The following CRACR2A variants were observed in gnomAD, a reference collection of about 807,000 sequenced individuals.
CRACR2A encodes calcium release activated channel regulator 2A, also known as EF-hand calcium-binding domain-containing protein 4B.
In CRACR2A, 79 loss-of-function variants were observed where a neutral mutation model predicts 90.5. The observed-to-expected ratio is 0.87, with a 90% CI of 0.73 to 1.05. The LOEUF (loss-of-function observed/expected upper bound fraction) is 1.05, where lower values mean the gene tolerates loss of function less well. Among genes scored for constraint, CRACR2A ranks in the 50% least tolerant of loss-of-function variants. CRACR2A has a pLI of 0.00. For missense variants in CRACR2A, 823 were observed against 897.2 expected (o/e 0.92, Z 1.06); for synonymous variants, 338 against 356.7 (o/e 0.95, Z 0.59).
chr12:3,702,803 A>T (rs1945853501), intron 3 of CRACR2A, among the ~76,000 whole-genome samples: 1 of 152,248 alleles, frequency 6.6e-6, no homozygotes, highest in African/African-American at 2.4e-5. Flanking sequence ...ATTCACACAA[A>T]AATGAGAAAA....
chr12:3,716,882 T>C lies in CRACR2A; in HGVS notation c.-117-3565A>G, dbSNP rs191152311. 4.7e-3 allele frequency among the ~76,000 whole-genome samples: 716 copies of C among 152,286 alleles called. 5 individuals are homozygous for C. Among genetic ancestry groups the C allele is most frequent in the South Asian group, 0.019 (93 of 4,826 alleles). ...CTGTTCAGATGTTATACCAAGTTAG[T>C]ATGAGTTTATTTTGGTGCTAAAACA... On this transcript the variant is annotated intron_variant, in intron 2 of 19. Coordinates refer to ENST00000440314, the MANE Select transcript of CRACR2A (RefSeq NM_001144958.2).
intron 2 of CRACR2A, among the ~76,000 whole-genome samples, chr12:3,725,258 T>C (rs1946242961): frequency 6.6e-6 from 1 of 151,720 alleles, no homozygotes; most frequent in Non-Finnish European, 1.5e-5. Flanking sequence ...AACAGATTTC[T>C]TCTCTCACAG....
rs753466796 is a variant in CRACR2A at position 3,696,980 on chromosome 12, CT to C, written c.19del (p.Arg7GlyfsTer2). 22 of 1,590,184 alleles carry C rather than the reference CT, an allele frequency of 1.4e-5. No individual in the cohort carries two copies. The Admixed American group carries it at 2.7e-4, about 19-fold the overall frequency. Reference sequence around the variant, plus strand: ...AAGTCTCTGGGGTCTGGAGACTACCCTCCCGTCAGGGGCAGCCATCGCGATT... The same window carrying C: ...AAGTCTCTGGGGTCTGGAGACTACCCCCCGTCAGGGGCAGCCATCGCGATT... The part of the protein sequence containing the change: MAAPDG[R>X]VVSRPQRLGQ... On this transcript the variant is annotated frameshift_variant, in exon 4 of 20. Transcript: ENST00000440314. LOFTEE classifies it high-confidence loss of function.
intron 4 of CRACR2A, among the ~76,000 whole-genome samples, chr12:3,681,532 T>C (rs1246059359): frequency 6.6e-6 from 1 of 152,210 alleles, no homozygotes; most frequent in Non-Finnish European, 1.5e-5. Context: ...GAAGCAAGTG[T>C]ACCCTCATAC....
At chr12:3,668,855 A>T (rs548441498) in intron 7 of CRACR2A, among the ~76,000 whole-genome samples, 1 of 152,328 alleles carries the variant, frequency 6.6e-6, no homozygotes, top group South Asian at 2.1e-4. Flanking sequence ...AGCTCCTAAG[A>T]AAGTGCCTGA....
intron 4 of CRACR2A, among the ~76,000 whole-genome samples, chr12:3,693,760 C>G (rs1346557343): frequency 3.3e-5 from 5 of 152,084 alleles, no homozygotes; most frequent in Non-Finnish European, 5.9e-5. Flanking sequence ...TCATTTCAGT[C>G]TTGGAGAATC....
intron 10 of CRACR2A, among the ~76,000 whole-genome samples, chr12:3,651,559 C>A (rs1053512273): frequency 2.0e-5 from 3 of 152,156 alleles, no homozygotes; most frequent in African/African-American, 7.2e-5. Flanking sequence ...CTTGATAGTT[C>A]TTTCTTTATC....
chr12:3,743,130 A>G (rs961804210), intron 1 of CRACR2A, among the ~76,000 whole-genome samples: 1 of 152,230 alleles, frequency 6.6e-6, no homozygotes, highest in African/African-American at 2.4e-5. Flanking sequence ...AGAACTTTTC[A>G]TTCTATTTCA....
chr12:3,732,236 C>G (rs143905693), intron 2 of CRACR2A: 1 of 152,300 alleles, frequency 6.6e-6, no homozygotes, highest in Non-Finnish European at 1.5e-5. Context: ...TGGCTGAGTA[C>G]CCGACCTTGT....
At chr12:3,628,341 G>A (rs949679290) in intron 15 of CRACR2A, among the ~76,000 whole-genome samples, 2 of 152,152 alleles carry the variant, frequency 1.3e-5, no homozygotes. Flanking sequence ...TGTGGAGGAG[G>A]AGGAAGAAGA....
Position 3,641,841 on chromosome 12 carries a change from GT to G in CRACR2A, c.1165-4del, listed in dbSNP as rs1297514030. ...TTTGCCTTGGCTGCCTTATTTTTCT[GT>G]AGAAACACAAAATGTCCTCAGATCC... On this transcript the variant is annotated splice_region_variant and splice_polypyrimidine_tract_variant and intron_variant, in intron 12 of 19. Transcript: ENST00000440314. The G allele has an allele frequency of 3.2e-6, 5 of 1,551,416 alleles. No individual in the cohort carries two copies. Among genetic ancestry groups the G allele is most frequent in the Non-Finnish European group, 3.5e-6 (4 of 1,146,876 alleles).
intron 3 of CRACR2A, among the ~76,000 whole-genome samples, chr12:3,707,298 G>A (rs1447399625): frequency 1.3e-5 from 2 of 152,186 alleles, no homozygotes; most frequent in African/African-American, 4.8e-5. Flanking sequence ...GGGAACAGCT[G>A]TCTCCTACCT....
At chr12:3,680,170 G>A in intron 5 of CRACR2A, 68 bp downstream of exon 5, 1 of 1,332,168 alleles carries the variant, frequency 7.5e-7, no homozygotes, top group South Asian at 1.2e-5. Context: ...ACAAGGGACA[G>A]GAATGCACCT....
chr12:3,638,021 C>T, intron 14 of CRACR2A, 103 bp downstream of exon 14: 2 of 1,137,008 alleles, frequency 1.8e-6, no homozygotes, highest in Non-Finnish European at 2.5e-6. Flanking sequence ...ATAAGACCTG[C>T]AGCATCTGAC....
intron 4 of CRACR2A, among the ~76,000 whole-genome samples, chr12:3,694,369 A>T (rs1032942222): frequency 6.6e-6 from 1 of 152,202 alleles, no homozygotes; most frequent in East Asian, 1.9e-4. Flanking sequence ...TTCCTTGAAG[A>T]CCACTCTCTG....
intron 1 of CRACR2A, among the ~76,000 whole-genome samples, chr12:3,747,208 T>C (rs1280005658): frequency 2.0e-4 from 30 of 152,218 alleles, no homozygotes; most frequent in Admixed American, 2.0e-3. Flanking sequence ...CTGGAAAAGT[T>C]ACTCAGCCTC....
rs1867697065 is a variant in CRACR2A at position 3,616,957 on chromosome 12, G to C, written c.2108C>G (p.Ala703Gly). The C allele has an allele frequency of 3.9e-6, 6 of 1,550,336 alleles. No individual in the cohort carries two copies. The highest frequency in any genetic ancestry group is 5.2e-6 in the Non-Finnish European group (6 of 1,145,760). Residue 703 changes from alanine (A) to glycine (G), a missense_variant, in exon 19 of 20, where the codon GCC (alanine) becomes GGC (glycine). By Grantham distance (60) the Ala-to-Gly change is moderately conservative. Transcript: ENST00000440314. Reference sequence around the variant, plus strand: ...CCTGGGGAGCACATCTCTTTACCTGGCCAGATGGAGCAGGGACTCTTTGGT... The same window carrying C: ...CCTGGGGAGCACATCTCTTTACCTGCCCAGATGGAGCAGGGACTCTTTGGT... ...HNTKESLLHL[A>G]RFLKEQEDTV... is the part of the protein sequence containing the mutation.
At chr12:3,713,465 C>T (rs1946037089) in intron 2 of CRACR2A, 148 bp from the exon 3 acceptor site, 1 of 200,038 alleles carries the variant, frequency 5.0e-6, no homozygotes, top group African/African-American at 2.4e-5. Context: ...CCTAATTCAT[C>T]CTCTTCCAGG....
At chr12:3,668,826 T>G (rs1203189533) in intron 7 of CRACR2A, among the ~76,000 whole-genome samples, 1 of 152,170 alleles carries the variant, frequency 6.6e-6, no homozygotes, top group Non-Finnish European at 1.5e-5. Context: ...TGGTAGGGGC[T>G]GCAACTTAAG....
Sources: gnomAD v4.1 joint callset for allele counts (sites outside exome capture counted in the v4.1 genomes callset) on GRCh38, gnomAD v4.1.1 for gene constraint, MANE v1.5 for transcripts, NCBI Gene and HGNC (gene_info 2026-07-23, HGNC 2026-07-21) for gene names.